PODN: variants seen among roughly 807,000 people sequenced by gnomAD.
PODN encodes the protein podocan.
In PODN, 40 loss-of-function variants were observed where a neutral mutation model predicts 52.7. That is an observed-to-expected ratio of 0.76 (90% CI 0.59 to 0.99). The LOEUF is 0.99. Ranked by LOEUF, PODN falls within the 50% of genes least tolerant of loss-of-function variation. The pLI is 0.00. For synonymous variants in PODN, 396 were observed against 377.9 expected (o/e 1.05, Z -0.56); for missense variants, 720 against 815.1 (o/e 0.88, Z 1.42).
intron 10 of PODN, among the ~76,000 whole-genome samples, chr1:53,082,712 T>A (rs564183860): frequency 6.6e-6 from 1 of 152,232 alleles, no homozygotes; most frequent in African/African-American, 2.4e-5. Flanking sequence ...CCAACACACA[T>A]ACATTCATGT....
At chr1:53,065,669 C>A (rs1245894574) in intron 1 of PODN, among the ~76,000 whole-genome samples, 1 of 152,210 alleles carries the variant, frequency 6.6e-6, no homozygotes, top group African/African-American at 2.4e-5. Flanking sequence ...CCTCGTCTTC[C>A]AGTGATAAGG....
chr1:53,067,162 C>T (rs1249901375), intron 1 of PODN, among the ~76,000 whole-genome samples: 2 of 152,060 alleles, frequency 1.3e-5, no homozygotes, highest in African/African-American at 2.4e-5. Context: ...TTGCTGCTGC[C>T]GACTGATCCC....
chr1:53,064,466 A>G (rs1464072667), intron 1 of PODN, among the ~76,000 whole-genome samples: 1 of 152,246 alleles, frequency 6.6e-6, no homozygotes, highest in Non-Finnish European at 1.5e-5. Context: ...ATTAGAGTCA[A>G]TAAGATGCAG....
chr1:53,069,721 C>G (rs1306257586), intron 1 of PODN, 80 bp from the exon 2 acceptor site: 1 of 1,499,166 alleles, frequency 6.7e-7, no homozygotes, highest in Non-Finnish European at 8.9e-7. Flanking sequence ...GAGGACAGTC[C>G]AGAGTGGGCC....
rs1470955932 is a variant in PODN, at chr1:53,062,226, G to T, written c.-138G>T. ...AGCGCCCAGCTTGACTTGAATGGAA[G>T]GAGCCCGAGCCCGCGGAGCGCAGCT... On this transcript the variant is annotated 5_prime_UTR_variant, in exon 1 of 11. The change creates a new upstream start codon in the 5' untranslated region. Transcript: ENST00000312553. 5.5e-6 allele frequency: 7 copies of T among 1,273,570 alleles called. No homozygotes were observed. In the South Asian group the frequency reaches 2.3e-4, roughly 42 times the overall value. 78.9% of individuals were successfully genotyped at this position (1,273,570 alleles called of 1,614,324 possible).
At position 53,078,760 on chromosome 1, in the gene PODN, C is replaced by T. The variant is rs547303291; in HGVS notation, c.1250C>T (p.Thr417Ile). Residue 417 changes from threonine to isoleucine, a missense_variant, in exon 8 of 11, where the codon ACC becomes ATC. Coordinates refer to ENST00000312553, the MANE Select transcript of PODN (RefSeq NM_153703.5). ...CTCAACCTCAGCTACAACCGCATCA[C>T]CAGCCCGCAGGTGCACCGCGACGCC... ...EELNLSYNRI[T>I]SPQVHRDAFR... is the part of the protein sequence containing the mutation. 25 of 1,613,400 alleles carry T rather than the reference C, an allele frequency of 1.5e-5. No individual in the cohort carries two copies. The South Asian group carries it at 2.5e-4, about 16-fold the overall frequency.
At chr1:53,082,758 C>A (rs546925427) in intron 10 of PODN, among the ~76,000 whole-genome samples, 194 of 152,316 alleles carry the variant, frequency 1.3e-3, no homozygotes, top group Non-Finnish European at 2.1e-3. Context: ...CATCCACAAA[C>A]CATGCACAGG....
chr1:53,073,766 G>A (rs1644153758), intron 3 of PODN: 1 of 152,198 alleles, frequency 6.6e-6, no homozygotes, highest in Non-Finnish European at 1.5e-5. Context: ...CAGCTTTCTT[G>A]AAGTATCATT....
Position 53,080,805 on chromosome 1 carries a change from GAAC to G in PODN, c.1596_1598del (p.Asn532del). 1.2e-6 allele frequency: 2 copies of G among 1,614,140 alleles called. No individual in the cohort carries two copies. The highest frequency in any genetic ancestry group is 1.1e-5 in the South Asian group (1 of 91,084). On this transcript the variant is annotated inframe_deletion, in exon 9 of 11. Coordinates refer to ENST00000312553, the MANE Select transcript of PODN (RefSeq NM_153703.5). ...AGTCACTTGAGTACCTGTACCTGCA[GAAC>G]AACAAGATTAGTGCGGTGCCCGCCA...
At position 53,077,741 on chromosome 1, in the gene PODN, C is replaced by T. The variant is rs138179023; in HGVS notation, c.795C>T (p.Arg265=). The T allele has an allele frequency of 5.7e-5, 92 of 1,613,622 alleles. No homozygotes were observed. In the African/African-American group the frequency reaches 6.8e-4, roughly 12 times the overall value. The change falls in exon 7 of 11, where the codon CGC becomes CGT. Residue 265 remains arginine, a synonymous_variant. Transcript: ENST00000312553. The part of the protein sequence containing the change: ...PGAFSELSSL[R]ELYLQNNYLT... ...CCTTCAGCGAGCTGAGCAGCCTGCG[C>T]GAGCTATACCTGCAGAACAACTACC...
At chr1:53,071,811 G>A (rs1294921657) in intron 3 of PODN, among the ~76,000 whole-genome samples, 183 bp downstream of exon 3, 1 of 152,176 alleles carries the variant, frequency 6.6e-6, no homozygotes, top group Non-Finnish European at 1.5e-5. Context: ...GGGCAAGGGG[G>A]CTCCCTATTG....
rs753150397 is a variant in PODN, at chr1:53,080,865, G to A, written c.1650G>A (p.Gly550=). 15 of 1,613,956 alleles carry A rather than the reference G, an allele frequency of 9.3e-6. No homozygotes were observed. In the Admixed American group the frequency reaches 2.5e-4, roughly 27 times the overall value. ...TCGACTCCACGCCCAACCTCAAGGG[G>A]ATCTTTCTCAGGTAGGAGCCCACTC... The part of the protein sequence containing the change: ...NAFDSTPNLK[G]IFLRFNKLAV... Residue 550 remains glycine, a synonymous_variant, in exon 9 of 11, where the codon GGG becomes GGA. Coordinates refer to ENST00000312553, the MANE Select transcript of PODN (RefSeq NM_153703.5).
At chr1:53,082,890 T>C (rs796321412) in intron 10 of PODN, among the ~76,000 whole-genome samples, 13 of 152,322 alleles carry the variant, frequency 8.5e-5, no homozygotes, top group African/African-American at 3.1e-4. Context: ...TGTGAGTACA[T>C]GCACACAAAA....
intron 5 of PODN, among the ~76,000 whole-genome samples, chr1:53,076,246 G>T (rs1644192753): frequency 6.6e-6 from 1 of 152,248 alleles, no homozygotes; most frequent in South Asian, 2.1e-4. Context: ...AGGCAGAACT[G>T]CCCTTCGCTG....
rs558216693 is a variant in PODN at position 53,065,823 on chromosome 1, A to T, written c.-56+3515A>T. On this transcript the variant is annotated intron_variant, in intron 1 of 10. Transcript: ENST00000312553. ...CTGTCTTGCCTCTGGGCCTTTGCAC[A>T]CATTGACCCCCTTGCTTGTATGACC... Among the ~76,000 whole-genome samples the T allele has an allele frequency of 1.4e-4, 21 of 152,208 alleles. No individual in the cohort carries two copies. In the East Asian group the frequency reaches 3.9e-3, roughly 28 times the overall value.
At chr1:53,063,955 C>T (rs1303938404) in intron 1 of PODN, among the ~76,000 whole-genome samples, 3 of 152,158 alleles carry the variant, frequency 2.0e-5, no homozygotes, top group Non-Finnish European at 4.4e-5. Context: ...CTAGCCCCAC[C>T]CCTACCTTTT....
At chr1:53,065,355 C>CAA (rs112697433) in intron 1 of PODN, among the ~76,000 whole-genome samples, 39 of 140,198 alleles carry the variant, frequency 2.8e-4, no homozygotes, top group African/African-American at 7.7e-4. Flanking sequence ...GACCCTGTCT[C>CAA]AAAAAAAAAA....
intron 8 of PODN, 60 bp downstream of exon 8, chr1:53,079,082 CTGAGCCCACCTGTCTGAAGGG>C (rs1484728858): frequency 5.5e-6 from 8 of 1,447,488 alleles, no homozygotes; most frequent in Non-Finnish European, 7.3e-6. Flanking sequence ...CATGGCTGCC[CTGAGCCCACCTGTCTGAAGGG>C]TGAGGAGAAG....
chr1:53,080,668 G>A, intron 8 of PODN, 60 bp from the exon 9 acceptor site: 1 of 1,557,138 alleles, frequency 6.4e-7, no homozygotes, highest in Admixed American at 1.8e-5. Flanking sequence ...TGGGAGTTTT[G>A]TAAGCTGTTA....
Sources: allele counts gnomAD v4.1 joint callset (sites outside exome capture counted in the v4.1 genomes callset), GRCh38; gene constraint gnomAD v4.1.1; transcripts MANE v1.5; gene names NCBI Gene and HGNC (gene_info 2026-07-23, HGNC 2026-07-21).